Variants in GUCY1A2 observed in about 807,000 individuals in gnomAD.
The protein encoded by GUCY1A2 is guanylate cyclase soluble subunit alpha-2.
A neutral mutation model predicts 63.5 loss-of-function variants in GUCY1A2; 27 were observed. That is an observed-to-expected ratio of 0.43 (90% CI 0.31 to 0.59). The LOEUF is 0.59. GUCY1A2 is among the 20% of genes least tolerant of loss of function. The pLI is 0.11. For missense variants in GUCY1A2, 768 were observed against 913.3 expected, an observed-to-expected ratio of 0.84 and a Z score of 2.05; for synonymous variants, 364 against 343.5, an observed-to-expected ratio of 1.06 and a Z score of -0.66.
At chr11:106,855,434 G>C (rs989089857) in intron 4 of GUCY1A2, among the ~76,000 whole-genome samples, 1 of 152,078 alleles carries the variant, frequency 6.6e-6, no homozygotes, top group African/African-American at 2.4e-5. Context: ...TGTTCTCTTA[G>C]ATACTCTATT....
At chr11:106,901,488 T>C (rs1388225199) in intron 4 of GUCY1A2, among the ~76,000 whole-genome samples, 1 of 152,164 alleles carries the variant, frequency 6.6e-6, no homozygotes, top group Non-Finnish European at 1.5e-5. Flanking sequence ...TCCAGAAGGT[T>C]TTCTTATTTA....
intron 4 of GUCY1A2, chr11:106,936,647 A>G: frequency 6.6e-7 from 1 of 1,513,694 alleles, no homozygotes; most frequent in African/African-American, 1.4e-5. Flanking sequence ...GTTTTTTTCT[A>G]ACCTCAAGAC....
At chr11:106,705,007 A>T (rs2135346420) in intron 7 of GUCY1A2, among the ~76,000 whole-genome samples, 1 of 152,004 alleles carries the variant, frequency 6.6e-6, no homozygotes, top group African/African-American at 2.4e-5. Context: ...TGGGAACAAA[A>T]ATGTGTGTAA....
At chr11:106,744,783 T>C (rs539169051) in intron 6 of GUCY1A2, among the ~76,000 whole-genome samples, 7 of 152,304 alleles carry the variant, frequency 4.6e-5, no homozygotes, top group African/African-American at 1.2e-4. Context: ...TTATGATCCA[T>C]ATAAAAGCAG....
In GUCY1A2 at chr11:106,978,689, A is replaced by G. The variant is rs1196006189; in HGVS notation, c.417T>C (p.Tyr139=). The change falls in exon 3 of 8, where the codon TAT becomes TAC. Residue 139 remains tyrosine, a synonymous_variant. Coordinates refer to ENST00000526355, the MANE Select transcript of GUCY1A2 (RefSeq NM_000855.3). The part of the protein sequence containing the change: ...NFHNISNRCS[Y]ADHSNKEEIE... Reference sequence around the variant, plus strand: ...TTTCTTCTTTGTTGGAGTGGTCTGCATAGGAGCATCTGTTAGAGATATTGT... The same window carrying G: ...TTTCTTCTTTGTTGGAGTGGTCTGCGTAGGAGCATCTGTTAGAGATATTGT... 14 of 1,586,970 alleles carry G rather than the reference A, an allele frequency of 8.8e-6. No homozygotes were observed. Among genetic ancestry groups the G allele is most frequent in the Non-Finnish European group, 1.1e-5 (13 of 1,155,750 alleles).
chr11:106,826,964 C>T (rs530302726), intron 4 of GUCY1A2: 20 of 1,610,696 alleles, frequency 1.2e-5, no homozygotes, highest in Middle Eastern at 4.5e-4. Context: ...ACAATGAAAT[C>T]GCAGCCATAT....
chr11:106,711,148 G>T (rs968054963), intron 6 of GUCY1A2, among the ~76,000 whole-genome samples: 1 of 152,114 alleles, frequency 6.6e-6, no homozygotes. Flanking sequence ...TCTAATTAGT[G>T]CATGGATAGC....
chr11:106,957,997 T>G (rs1861012381), intron 3 of GUCY1A2, among the ~76,000 whole-genome samples: 1 of 151,638 alleles, frequency 6.6e-6, no homozygotes, highest in South Asian at 2.1e-4. Context: ...AGGTCTAAAA[T>G]GTATTTCATT....
chr11:106,817,198 G>T (rs1858843725), intron 4 of GUCY1A2, among the ~76,000 whole-genome samples: 1 of 151,982 alleles, frequency 6.6e-6, no homozygotes, highest in African/African-American at 2.4e-5. Context: ...CATATGAAAT[G>T]ACAGTTATAT....
chr11:106,903,136 A>T (rs1174291794), intron 4 of GUCY1A2, among the ~76,000 whole-genome samples: 1 of 152,164 alleles, frequency 6.6e-6, no homozygotes, highest in Non-Finnish European at 1.5e-5. Context: ...ATCTTTTTTT[A>T]AAGATGCCAC....
intron 7 of GUCY1A2, among the ~76,000 whole-genome samples, chr11:106,698,296 T>C (rs1366467609): frequency 6.7e-6 from 1 of 150,212 alleles, no homozygotes; most frequent in South Asian, 2.1e-4. Flanking sequence ...TTTTTTTTTT[T>C]AATTTTAGTA....
At chr11:106,700,005 G>C (rs1006937368) in intron 7 of GUCY1A2, among the ~76,000 whole-genome samples, 2 of 151,728 alleles carry the variant, frequency 1.3e-5, no homozygotes, top group African/African-American at 4.8e-5. Flanking sequence ...GGATGGTCTC[G>C]ATCTCCTGAC....
In GUCY1A2 at chr11:106,687,643, C is replaced by A; in HGVS notation, c.2105G>T (p.Gly702Val). The change falls in exon 8 of 8, where the codon GGT (glycine) becomes GTT (valine). Residue 702 changes from glycine (G) to valine (V), a missense_variant. Around this residue, in one of 3 missense-constraint regions of GUCY1A2, gnomAD observed 150 missense variants for 188.3 expected, o/e 0.80. Coordinates refer to ENST00000526355, the MANE Select transcript of GUCY1A2 (RefSeq NM_000855.3). ...AAGAGAAGGCTTTGGTGGCTTTGGA[C>A]CAGTCCTTACCTCCAGGAAATAGCA... ...GICYFLEVRT[G>V]PKPPKPSLSS... 6.2e-7 allele frequency: 1 copy of A among 1,613,826 alleles called. No individual in the cohort carries two copies. The highest frequency in any genetic ancestry group is 8.5e-7 in the Non-Finnish European group (1 of 1,179,766).
chr11:106,871,206 C>A (rs1037894326), intron 4 of GUCY1A2, among the ~76,000 whole-genome samples: 4 of 152,064 alleles, frequency 2.6e-5, no homozygotes, highest in South Asian at 4.1e-4. Context: ...CAGAGAAACA[C>A]AGAAAACCAA....
chr11:107,004,744 C>T (rs1861651174), intron 1 of GUCY1A2, among the ~76,000 whole-genome samples: 1 of 152,162 alleles, frequency 6.6e-6, no homozygotes, highest in Non-Finnish European at 1.5e-5. Context: ...AGGAGGACTA[C>T]TGTCTGATGA....
intron 5 of GUCY1A2, among the ~76,000 whole-genome samples, chr11:106,804,427 G>A (rs1021236744): frequency 1.3e-5 from 2 of 152,292 alleles, no homozygotes; most frequent in Non-Finnish European, 2.9e-5. Context: ...TGCAAATGAC[G>A]TAAAATGGCA....
At chr11:106,871,010 C>G (rs567760503) in intron 4 of GUCY1A2, among the ~76,000 whole-genome samples, 1 of 152,226 alleles carries the variant, frequency 6.6e-6, no homozygotes, top group East Asian at 1.9e-4. Flanking sequence ...CTTCTCAAGT[C>G]CAAGGACCAT....
chr11:106,829,480 T>G (rs1053325668), intron 4 of GUCY1A2, among the ~76,000 whole-genome samples: 1 of 152,160 alleles, frequency 6.6e-6, no homozygotes, highest in Non-Finnish European at 1.5e-5. Context: ...AGCATCCTCA[T>G]TTGTAAGACT....
intron 4 of GUCY1A2, chr11:106,936,651 T>C (rs1860681252): frequency 6.6e-7 from 1 of 1,522,260 alleles, no homozygotes; most frequent in Non-Finnish European, 8.8e-7. Flanking sequence ...TTTTCTAACC[T>C]CAAGACTGTT....
Sources: gnomAD v4.1 joint callset for allele counts (sites outside exome capture counted in the v4.1 genomes callset) on GRCh38, gnomAD v4.1.1 for gene constraint, gnomAD v4.1.1 regional missense constraint, MANE v1.5 for transcripts, NCBI Gene and HGNC (gene_info 2026-07-23, HGNC 2026-07-21) for gene names.